The following RAD17 variants were observed in gnomAD, a reference collection of about 807,000 sequenced individuals.
The protein encoded by RAD17 is cell cycle checkpoint protein RAD17.
A neutral mutation model predicts 81.5 loss-of-function variants in RAD17; 31 were observed. The ratio of observed to expected loss-of-function variants is 0.38; its 90% confidence interval spans 0.29 to 0.51. The LOEUF (loss-of-function observed/expected upper bound fraction) is 0.51, where lower values mean the gene tolerates loss of function less well. Ranked by LOEUF, RAD17 falls within the 20% of genes least tolerant of loss-of-function variation. The probability of loss-of-function intolerance (pLI) is 0.88; values close to 1 mark genes in which losing one functional copy is unlikely to be tolerated. For missense variants in RAD17, 681 were observed against 781.2 expected (o/e 0.87, Z 1.53); for synonymous variants, 261 against 266.2 (o/e 0.98, Z 0.19).
intron 17 of RAD17, among the ~76,000 whole-genome samples, chr5:69,400,540 C>A (rs1030638128): frequency 2.0e-5 from 3 of 151,974 alleles, no homozygotes; most frequent in African/African-American, 7.2e-5. Context: ...ATAGCAATAT[C>A]TTTTTGTGGG....
At chr5:69,407,593 T>TTTTTTG (rs1765700765) in intron 17 of RAD17, among the ~76,000 whole-genome samples, 1 of 119,100 alleles carries the variant, frequency 8.4e-6, no homozygotes, top group Non-Finnish European at 1.6e-5. Flanking sequence ...TTTTTTTTTT[T>TTTTTTG]GGAGACAGAG....
intron 17 of RAD17, among the ~76,000 whole-genome samples, chr5:69,401,851 C>CAA (rs34309773): frequency 4.4e-4 from 65 of 149,292 alleles, no homozygotes; most frequent in African/African-American, 1.5e-3. Context: ...CCACAAAAAA[C>CAA]AAAAAAACCA....
chr5:69,393,156 A>G lies in RAD17; in HGVS notation c.1191A>G (p.Arg397=). The G allele has an allele frequency of 6.3e-7, 1 of 1,593,044 alleles. No individual in the cohort carries two copies. Among genetic ancestry groups the G allele is most frequent in the Non-Finnish European group, 8.6e-7 (1 of 1,165,488 alleles). The part of the protein sequence containing the change: ...RALGKILYCK[R]ASLTELDSPR... ...AATAATTCCAGAAATTTTTTATAGGAGCATCTTTAACAGAATTAGACTCAC... is the reference window on the plus strand; with the variant it reads ...AATAATTCCAGAAATTTTTTATAGGGGCATCTTTAACAGAATTAGACTCAC... Residue 397 remains arginine (R), a splice_region_variant and synonymous_variant, in exon 14 of 19, where the codon AGA becomes AGG. Coordinates refer to ENST00000354868, the MANE Select transcript of RAD17 (RefSeq NM_133338.3).
At chr5:69,377,643 A>G (rs1351416664) in intron 6 of RAD17, among the ~76,000 whole-genome samples, 1 of 116,692 alleles carries the variant, frequency 8.6e-6, no homozygotes, top group African/African-American at 2.9e-5. Context: ...GTATACATAT[A>G]TATATGCATA....
chr5:69,392,362 C>T (rs1764602318), intron 13 of RAD17, among the ~76,000 whole-genome samples: 1 of 152,190 alleles, frequency 6.6e-6, no homozygotes. Flanking sequence ...GAGCCTTATA[C>T]AAATTACCAG....
At chr5:69,380,377 A>C (rs1763777105) in intron 6 of RAD17, among the ~76,000 whole-genome samples, 1 of 152,188 alleles carries the variant, frequency 6.6e-6, no homozygotes, top group South Asian at 2.1e-4. Flanking sequence ...GATGTTTTGC[A>C]TTATTGTTAC....
At chr5:69,383,448 G>T (rs1294746086) in intron 7 of RAD17, among the ~76,000 whole-genome samples, 2 of 151,262 alleles carry the variant, frequency 1.3e-5, no homozygotes, top group Non-Finnish European at 2.9e-5. Flanking sequence ...GCAGTGGTTT[G>T]TCTCACTGCA....
At chr5:69,400,207 G>GTTTTATTT (rs776989701) in intron 17 of RAD17, 38 bp downstream of exon 17, 91 of 476,402 alleles carry the variant, frequency 1.9e-4, no homozygotes, top group Non-Finnish European at 4.9e-5. Flanking sequence ...TAAGAAGTAG[G>GTTTTATTT]GTTTATTTAT....
intron 8 of RAD17, 21 bp from the exon 9 acceptor site, chr5:69,386,022 T>C (rs1764192279): frequency 2.0e-6 from 3 of 1,524,682 alleles, no homozygotes; most frequent in Admixed American, 2.1e-5. Context: ...TATACTATTA[T>C]TTATTTTTTA....
Position 69,391,991 on chromosome 5 carries a change from G to T in RAD17, c.1167G>T (p.Leu389Phe), listed in dbSNP as rs977052324. ...KDVSLFLFRA[L>F]GKILYCKRAS... The stretch of plus-strand genomic sequence containing the variant: ...TTTCTCTGTTTCTCTTCAGAGCTTT[G>T]GGGAAAATTCTATATTGTAAAAGTA... The change falls in exon 13 of 19, where the codon TTG (leucine) becomes TTT (phenylalanine). Residue 389 changes from leucine to phenylalanine, a missense_variant. Leu to Phe is a conservative substitution (Grantham distance 22, BLOSUM62 0). Transcript: ENST00000354868. The T allele has an allele frequency of 3.2e-6, 5 of 1,546,652 alleles. No individual in the cohort carries two copies.
intron 4 of RAD17, among the ~76,000 whole-genome samples, chr5:69,373,537 T>C (rs1246456346): frequency 6.6e-6 from 1 of 151,976 alleles, no homozygotes; most frequent in Non-Finnish European, 1.5e-5. Context: ...AACCCATCTC[T>C]ACAAAAAATA....
chr5:69,380,118 TG>T (rs952310073), intron 6 of RAD17, among the ~76,000 whole-genome samples: 4 of 152,130 alleles, frequency 2.6e-5, no homozygotes, highest in African/African-American at 9.7e-5. Flanking sequence ...TGACCTCAGA[TG>T]ATCTGCCTGC....
intron 8 of RAD17, 150 bp from the exon 9 acceptor site, chr5:69,385,893 C>T (rs966420010): frequency 3.8e-5 from 31 of 805,284 alleles, no homozygotes; most frequent in Middle Eastern, 8.0e-4. Context: ...ATTACTGTTT[C>T]GGATATCATC....
chr5:69,401,388 GTT>G, intron 17 of RAD17, among the ~76,000 whole-genome samples: 1 of 152,098 alleles, frequency 6.6e-6, no homozygotes, highest in East Asian at 1.9e-4. Context: ...TATCTTATAA[GTT>G]AATGTCAGAG....
At position 69,371,628 on chromosome 5, in the gene RAD17, TAAC is replaced by T. The variant is rs1484308706; in HGVS notation, c.-176+72_-176+74del. ...TATAAATTTTTATATATATTCTTAA[TAAC>T]TTATTACTGCTATCAAAGTAATAGA... On this transcript the variant is annotated intron_variant, in intron 3 of 18. Transcript: ENST00000354868. 6 of 840,742 alleles carry T rather than the reference TAAC, an allele frequency of 7.1e-6. No homozygotes were observed. In the African/African-American group the frequency reaches 9.0e-5, roughly 13 times the overall value. The allele number at this position is 840,742 out of a possible 1,614,324, so 52.1% of individuals were successfully genotyped here.
chr5:69,383,159 C>T (rs1038946414), intron 7 of RAD17, among the ~76,000 whole-genome samples: 1 of 151,996 alleles, frequency 6.6e-6, no homozygotes, highest in Non-Finnish European at 1.5e-5. Flanking sequence ...TCATTTTTAT[C>T]TTTCATAGTT....
At chr5:69,369,373 T>C, upstream of RAD17, 2 of 1,469,792 alleles carry the variant, frequency 1.4e-6, no homozygotes, top group Non-Finnish European at 1.8e-6. Flanking sequence ...AAGAGGGCAG[T>C]GAGGGGCCCC....
Position 69,384,928 on chromosome 5 carries a change from G to T in RAD17, c.640G>T (p.Val214Phe), listed in dbSNP as rs760898877. ...DLRTDKKIIL[V>F]EDLPNQFYRD... Reference sequence around the variant, plus strand: ...GAGAACTGATAAGAAGATAATTCTGGTTGAAGTAAGGACAACTTTTAAAAT... The same window carrying T: ...GAGAACTGATAAGAAGATAATTCTGTTTGAAGTAAGGACAACTTTTAAAAT... Residue 214 changes from valine (V) to phenylalanine (F), a missense_variant, in exon 8 of 19, where the codon GTT (valine) becomes TTT (phenylalanine). Transcript: ENST00000354868. 5.7e-6 allele frequency: 9 copies of T among 1,573,922 alleles called. No homozygotes were observed. The highest frequency in any genetic ancestry group is 7.7e-6 in the Non-Finnish European group (9 of 1,163,052).
intron 18 of RAD17, among the ~76,000 whole-genome samples, chr5:69,411,204 A>G (rs1469744590): frequency 1.3e-5 from 2 of 151,840 alleles, no homozygotes; most frequent in Non-Finnish European, 2.9e-5. Flanking sequence ...TGAGATAAGG[A>G]GTTCAAGACC....
Sources: gnomAD v4.1 joint callset for allele counts (sites outside exome capture counted in the v4.1 genomes callset) on GRCh38, gnomAD v4.1.1 for gene constraint, MANE v1.5 for transcripts, NCBI Gene and HGNC (gene_info 2026-07-23, HGNC 2026-07-21) for gene names.